PCDHGB3: variants seen among roughly 807,000 people sequenced by gnomAD.
PCDHGB3 encodes protocadherin gamma subfamily B, 3.
Under a neutral mutation model 59.2 loss-of-function variants are expected in PCDHGB3, and 40 were observed. The observed-to-expected ratio is 0.68, with a 90% confidence interval of 0.52 to 0.88. The LOEUF (loss-of-function observed/expected upper bound fraction) is 0.88. PCDHGB3 is among the 40% of genes least tolerant of loss of function. The pLI is 0.00. For missense variants in PCDHGB3, 1,309 were observed against 1,187.9 expected (o/e 1.10, Z -1.50); for synonymous variants, 581 against 503.6 (o/e 1.15, Z -2.06).
intron 1 of PCDHGB3, among the ~76,000 whole-genome samples, chr5:141,448,855 G>A (rs2098611434): frequency 6.6e-6 from 1 of 152,172 alleles, no homozygotes. Context: ...TGAGGCAGGA[G>A]AATGGCGTGA....
At chr5:141,461,185 C>T (rs2154567265) in intron 1 of PCDHGB3, among the ~76,000 whole-genome samples, 1 of 152,134 alleles carries the variant, frequency 6.6e-6, no homozygotes, top group East Asian at 1.9e-4. Context: ...AATGGTAGAT[C>T]TGTTTTTTGC....
intron 1 of PCDHGB3, among the ~76,000 whole-genome samples, chr5:141,444,150 GGATTT>G (rs2098419598): frequency 1.8e-5 from 2 of 114,012 alleles, no homozygotes; most frequent in Non-Finnish European, 3.5e-5. Flanking sequence ...TGTGTGTACT[GGATTT>G]TTTTTTTTTT....
chr5:141,412,396 A>G (rs2095553141), intron 1 of PCDHGB3: 1 of 152,216 alleles, frequency 6.6e-6, no homozygotes, highest in Non-Finnish European at 1.5e-5. Flanking sequence ...TTTAACTTGT[A>G]TCCCTGTAAG....
At chr5:141,388,993 G>C (rs778336882) in intron 1 of PCDHGB3, 1 of 1,614,026 alleles carries the variant, frequency 6.2e-7, no homozygotes, top group South Asian at 1.1e-5. Context: ...CTCAAAGTCC[G>C]TGACAAGGAT....
chr5:141,471,972 T>C (rs952480654), intron 1 of PCDHGB3, among the ~76,000 whole-genome samples: 1 of 152,212 alleles, frequency 6.6e-6, no homozygotes, highest in South Asian at 2.1e-4. Context: ...GTTGCATTAC[T>C]GTATAAATTT....
Position 141,383,965 on chromosome 5 carries a change from A to G in PCDHGB3, c.2415+11156A>G, listed in dbSNP as rs1208203107. ...GACTATGACGTCTTTAAGTAGCTCA[A>G]TCCCTGAAGACACACCTCTTGGGAC... On this transcript the variant is annotated intron_variant, in intron 1 of 3. Coordinates refer to ENST00000576222, the MANE Select transcript of PCDHGB3 (RefSeq NM_018924.5). 1 of 1,613,598 alleles carries G rather than the reference A, an allele frequency of 6.2e-7. No individual in the cohort carries two copies. The highest frequency in any genetic ancestry group is 2.2e-5 in the East Asian group (1 of 44,892).
chr5:141,408,865 A>T (rs765751172), intron 1 of PCDHGB3: 9 of 1,613,684 alleles, frequency 5.6e-6, no homozygotes, highest in Admixed American at 1.7e-5. Flanking sequence ...GGGACCCACC[A>T]AGAAGTGCCA....
At chr5:141,508,906 G>A (rs2099872897) in intron 3 of PCDHGB3, among the ~76,000 whole-genome samples, 1 of 152,092 alleles carries the variant, frequency 6.6e-6, no homozygotes, top group Non-Finnish European at 1.5e-5. Context: ...CGGGGCGGTG[G>A]CGGATCTGGC....
At chr5:141,497,478 C>A (rs974494984) in intron 2 of PCDHGB3, among the ~76,000 whole-genome samples, 1 of 150,954 alleles carries the variant, frequency 6.6e-6, no homozygotes, top group African/African-American at 2.4e-5. Flanking sequence ...GGAGAAGGTG[C>A]GGAACCTCTC....
intron 1 of PCDHGB3, chr5:141,410,849 CTTTTTTTT>C (rs759346998): frequency 2.0e-4 from 27 of 138,178 alleles, no homozygotes; most frequent in Middle Eastern, 4.3e-3. Context: ...TTGTCTTTGT[CTTTTTTTT>C]TTTTTTTTTT....
chr5:141,467,764 TGCCCGCACCTCA>T (rs544344217), intron 1 of PCDHGB3, among the ~76,000 whole-genome samples: 90 of 152,158 alleles, frequency 5.9e-4, no homozygotes, highest in South Asian at 1.0e-3. Context: ...CATGCTCAAG[TGCCCGCACCTCA>T]GCCTCTCAAG....
intron 1 of PCDHGB3, chr5:141,398,523 A>T (rs988295276): frequency 6.2e-7 from 1 of 1,613,602 alleles, no homozygotes; most frequent in Non-Finnish European, 8.5e-7. Context: ...ACACGCCAAA[A>T]TTCACGCAAA....
intron 1 of PCDHGB3, among the ~76,000 whole-genome samples, chr5:141,443,085 G>A (rs991288098): frequency 3.9e-5 from 6 of 151,916 alleles, no homozygotes; most frequent in Admixed American, 2.6e-4. Flanking sequence ...GAGTGTTCCA[G>A]TCTCCTTCTC....
At chr5:141,461,441 T>A (rs959248029) in intron 1 of PCDHGB3, among the ~76,000 whole-genome samples, 7 of 152,194 alleles carry the variant, frequency 4.6e-5, no homozygotes, top group Admixed American at 4.6e-4. Flanking sequence ...TACCTTCTTT[T>A]GAGAAATGGC....
Position 141,436,164 on chromosome 5 carries a change from A to G in PCDHGB3, c.2416-58643A>G, listed in dbSNP as rs896845015. Among the ~76,000 whole-genome samples, 8 of 152,188 alleles carry G rather than the reference A, an allele frequency of 5.3e-5. No homozygotes were observed. The East Asian group carries it at 1.3e-3, about 26-fold the overall frequency. ...AACTACCAAAATGTTTATCATATGG[A>G]CAGTTCTCATATATAGTCAAATAGA... On this transcript the variant is annotated intron_variant, in intron 1 of 3. Transcript: ENST00000576222.
chr5:141,387,765 T>C, intron 1 of PCDHGB3: 1 of 1,431,622 alleles, frequency 7.0e-7, no homozygotes, highest in East Asian at 2.5e-5. Flanking sequence ...AAAAGAAGAA[T>C]TTTTTCTTGA....
intron 1 of PCDHGB3, among the ~76,000 whole-genome samples, chr5:141,454,626 G>A (rs1206050863): frequency 6.6e-6 from 1 of 151,304 alleles, no homozygotes; most frequent in African/African-American, 2.4e-5. Flanking sequence ...GGCTGGTCTC[G>A]AACCCCCAAC....
At chr5:141,388,018 C>A (rs528825785) in intron 1 of PCDHGB3, 2 of 1,460,562 alleles carry the variant, frequency 1.4e-6, no homozygotes, top group African/African-American at 2.9e-5. Flanking sequence ...CCCAAGGGCT[C>A]CGTAGTGGGG....
At chr5:141,423,173 A>T (rs2096717258) in intron 1 of PCDHGB3, 1 of 1,613,330 alleles carries the variant, frequency 6.2e-7, no homozygotes, top group South Asian at 1.1e-5. Flanking sequence ...GCCGTCCAGG[A>T]CCACGGCCAG....
Sources: allele counts gnomAD v4.1 joint callset (sites outside exome capture counted in the v4.1 genomes callset), GRCh38; gene constraint gnomAD v4.1.1; transcripts MANE v1.5; gene names NCBI Gene and HGNC (gene_info 2026-07-23, HGNC 2026-07-21).